Variants in TNIP2 observed in about 807,000 individuals in gnomAD.
TNIP2 encodes the protein TNFAIP3 interacting protein 2, also known as TNFAIP3-interacting protein 2.
Under a neutral mutation model 43.7 loss-of-function variants are expected in TNIP2, and 30 were observed. The ratio of observed to expected loss-of-function variants is 0.69; its 90% CI spans 0.51 to 0.93. TNIP2 has a LOEUF of 0.93. Among genes scored for constraint, TNIP2 ranks in the 40% least tolerant of loss-of-function variants. TNIP2 has a pLI of 0.00. For missense variants in TNIP2, 599 were observed against 591.0 expected, an observed-to-expected ratio of 1.01 and a Z score of -0.14; for synonymous variants, 260 against 254.6, an observed-to-expected ratio of 1.02 and a Z score of -0.20.
chr4:2,754,092 T>A (rs1205173062), intron 1 of TNIP2, among the ~76,000 whole-genome samples: 1 of 152,256 alleles, frequency 6.6e-6, no homozygotes, highest in South Asian at 2.1e-4. Flanking sequence ...AAAATTGTTT[T>A]ATAATTTTTT....
At chr4:2,743,097 T>C (rs986484839) in intron 5 of TNIP2, among the ~76,000 whole-genome samples, 1 of 152,164 alleles carries the variant, frequency 6.6e-6, no homozygotes, top group African/African-American at 2.4e-5. Flanking sequence ...GGGAACTTCA[T>C]TCCAGCAGGC....
intron 5 of TNIP2, among the ~76,000 whole-genome samples, chr4:2,742,859 G>T (rs1464155795): frequency 1.3e-5 from 2 of 152,208 alleles, no homozygotes; most frequent in African/African-American, 4.8e-5. Flanking sequence ...CCACAGAGTG[G>T]AGGTGGCAGA....
chr4:2,750,614 T>A (rs1344325926), intron 1 of TNIP2, among the ~76,000 whole-genome samples: 1 of 151,232 alleles, frequency 6.6e-6, no homozygotes, highest in Non-Finnish European at 1.5e-5. Context: ...GCCACTGCAC[T>A]CTAGCCTGGG....
rs1721887707 is a variant in TNIP2 at position 2,744,640 on chromosome 4, C to T, written c.906+57G>A. ...AGCCCAGCCTGTCCCATGATTTCGG[C>T]CACCACCGGCCAGCAGACATCTGGT... On this transcript the variant is annotated intron_variant, in intron 4 of 5. Coordinates refer to ENST00000315423, the MANE Select transcript of TNIP2 (RefSeq NM_024309.4). This position sits in a 1 kb window ranked among gnomAD's most constrained non-coding sequence, Gnocchi z 5.1. 1 of 1,582,952 alleles carries T rather than the reference C, an allele frequency of 6.3e-7. No homozygotes were observed. Among genetic ancestry groups the T allele is most frequent in the Non-Finnish European group, 8.6e-7 (1 of 1,167,888 alleles).
At chr4:2,751,216 C>G (rs2109491334) in intron 1 of TNIP2, among the ~76,000 whole-genome samples, 1 of 152,348 alleles carries the variant, frequency 6.6e-6, no homozygotes, top group African/African-American at 2.4e-5. Flanking sequence ...TAGGACACAA[C>G]AGCACCTCGA....
chr4:2,753,652 T>G (rs940094673), intron 1 of TNIP2, among the ~76,000 whole-genome samples: 1 of 152,288 alleles, frequency 6.6e-6, no homozygotes, highest in Non-Finnish European at 1.5e-5. Context: ...GCAAGTATAC[T>G]GCTCTGGTTG....
intron 1 of TNIP2, among the ~76,000 whole-genome samples, chr4:2,751,838 G>A (rs1180448447): frequency 6.7e-6 from 1 of 149,850 alleles, no homozygotes; most frequent in Non-Finnish European, 1.5e-5. Context: ...CGGGGCGGTG[G>A]CTCATGCCTG....
At chr4:2,745,250 T>G in intron 3 of TNIP2, 196 bp downstream of exon 3, 1 of 610,942 alleles carries the variant, frequency 1.6e-6, no homozygotes. Flanking sequence ...TGGATTAATT[T>G]TAGGGGGATG....
chr4:2,752,816 G>A (rs1190469993), intron 1 of TNIP2, among the ~76,000 whole-genome samples: 1 of 152,186 alleles, frequency 6.6e-6, no homozygotes, highest in Non-Finnish European at 1.5e-5. Flanking sequence ...GGCCGAGACA[G>A]GAGGATCCCT....
At position 2,744,866 on chromosome 4, in the gene TNIP2, C is replaced by G. The variant is rs746137907; in HGVS notation, c.737G>C (p.Arg246Thr). 1 of 1,614,022 alleles carries G rather than the reference C, an allele frequency of 6.2e-7. No homozygotes were observed. The highest frequency in any genetic ancestry group is 1.3e-5 in the African/African-American group (1 of 75,068). Residue 246 changes from arginine (R) to threonine (T), a missense_variant, in exon 4 of 6, where the codon AGG (arginine) becomes ACG (threonine). Coordinates refer to ENST00000315423, the MANE Select transcript of TNIP2 (RefSeq NM_024309.4). The surrounding 1 kb of genome is among the most constrained non-coding windows in gnomAD (Gnocchi z 5.1). ...EYVRGLHAQL[R>T]GLQIPHEPEL... The stretch of plus-strand genomic sequence containing the variant: ...GGGCTCGTGGGGGATCTGCAGCCCC[C>G]TGAGCTGCGCATGGAGCCCCCTCAC...
chr4:2,750,805 G>A (rs1228128353), intron 1 of TNIP2, among the ~76,000 whole-genome samples: 2 of 151,756 alleles, frequency 1.3e-5, no homozygotes, highest in Non-Finnish European at 2.9e-5. Context: ...ATCTGATTTC[G>A]GAGCCTCCTT....
At position 2,752,920 on chromosome 4, in the gene TNIP2, C is replaced by T. The variant is rs552798499; in HGVS notation, c.276+3094G>A. 1.2e-4 allele frequency among the ~76,000 whole-genome samples: 18 copies of T among 151,110 alleles called. No homozygotes were observed. The South Asian group carries it at 3.2e-3, about 26-fold the overall frequency. ...TTAGCCAGGTGTGGTGGCTCATAGT[C>T]CTTGTGGTAGGCTCTTCGCCTATAG... On this transcript the variant is annotated intron_variant, in intron 1 of 5. Coordinates refer to ENST00000315423, the MANE Select transcript of TNIP2 (RefSeq NM_024309.4).
rs78732727 is a variant in TNIP2, at chr4:2,747,132, T to A, written c.567+523A>T. Among the ~76,000 whole-genome samples the A allele has an allele frequency of 6.7e-4, 102 of 152,344 alleles. 1 individual carries two copies. The highest frequency in any genetic ancestry group is 2.4e-3 in the Admixed American group (36 of 15,310). On this transcript the variant is annotated intron_variant, in intron 2 of 5. Transcript: ENST00000315423. ...GGAGGCCGTGCTGCTGGCAAGGACA[T>A]GCCTAAAGCCAGCTTTGGAGATGGC...
In TNIP2 at chr4:2,744,807, T is replaced by C. The variant is rs756550565; in HGVS notation, c.796A>G (p.Arg266Gly). 11 of 1,613,484 alleles carry C rather than the reference T, an allele frequency of 6.8e-6. No individual in the cohort carries two copies. The South Asian group carries it at 1.2e-4, about 18-fold the overall frequency. Residue 266 changes from arginine (R) to glycine (G), a missense_variant, in exon 4 of 6, where the codon AGA becomes GGA. Arg to Gly is a moderately radical substitution (Grantham distance 125, BLOSUM62 -2). Transcript: ENST00000315423. The surrounding 1 kb of genome is among the most constrained non-coding windows in gnomAD (Gnocchi z 5.1). ...TCATTTATTTTCTCTTCCAACTGTC[T>C]GTTGAGCCGGGAGATCTCCTTCCTC... ...LMRKEISRLNRQLEEKINDCA... is the reference protein window; with the variant it reads ...LMRKEISRLNGQLEEKINDCA...
Position 2,744,972 on chromosome 4 carries a change from C to T in TNIP2, c.658-27G>A, listed in dbSNP as rs781407403. ...TGAAGAGGTGGAGCCGGAAAGCTCA[C>T]GGTGAAGGCAGCTGACAAAGCTGCT... On this transcript the variant is annotated intron_variant, in intron 3 of 5. Coordinates refer to ENST00000315423, the MANE Select transcript of TNIP2 (RefSeq NM_024309.4). This position sits in a 1 kb window ranked among gnomAD's most constrained non-coding sequence, Gnocchi z 5.1. 9.3e-5 allele frequency: 148 copies of T among 1,583,328 alleles called. No homozygotes were observed. Among genetic ancestry groups the T allele is most frequent in the Non-Finnish European group, 1.2e-4 (141 of 1,160,468 alleles).
rs1194284696 is a variant in TNIP2 at position 2,744,361 on chromosome 4, G to A, written c.1026+26C>T. ...GAAACAAAAACACTAAACCTAAGCA[G>A]GAAGAAAAACGCCCTCATACTCTAC... On this transcript the variant is annotated intron_variant, in intron 5 of 5. Transcript: ENST00000315423. The surrounding 1 kb of genome is among the most constrained non-coding windows in gnomAD (Gnocchi z 5.1). 1.2e-6 allele frequency: 2 copies of A among 1,613,884 alleles called. No individual in the cohort carries two copies. Among genetic ancestry groups the A allele is most frequent in the Non-Finnish European group, 1.7e-6 (2 of 1,179,892 alleles).
chr4:2,756,004 G>A lies in TNIP2; in HGVS notation c.276+10C>T, dbSNP rs951807187. 3.2e-6 allele frequency: 5 copies of A among 1,540,066 alleles called. No homozygotes were observed. The African/African-American group carries it at 4.3e-5, about 13-fold the overall frequency. On this transcript the variant is annotated intron_variant, in intron 1 of 5. Transcript: ENST00000315423. ...CGCTCCCGCAGCTCCTCTGGTACCC[G>A]CCCTCGTACCTGGCGCATCTGGGCC...
intron 1 of TNIP2, among the ~76,000 whole-genome samples, chr4:2,748,171 C>T (rs1448672330): frequency 1.3e-5 from 2 of 152,040 alleles, no homozygotes; most frequent in East Asian, 1.9e-4. Flanking sequence ...TCTGAAACTT[C>T]ATCTCAAATT....
intron 2 of TNIP2, 151 bp from the exon 3 acceptor site, chr4:2,745,686 C>A: frequency 3.1e-6 from 2 of 655,194 alleles, no homozygotes; most frequent in African/African-American, 1.8e-5. Flanking sequence ...AAAGCAGGGA[C>A]AAGGGACCAC....
Sources: gnomAD v4.1 joint callset for allele counts (sites outside exome capture counted in the v4.1 genomes callset) on GRCh38, gnomAD v4.1.1 for gene constraint, Gnocchi (gnomAD v3.1) non-coding constraint, MANE v1.5 for transcripts, NCBI Gene and HGNC (gene_info 2026-07-23, HGNC 2026-07-21) for gene names.